Variants in MYO5B observed in about 807,000 individuals in gnomAD.
MYO5B encodes myosin VB, also known as unconventional myosin-Vb.
Under a neutral mutation model 229.3 loss-of-function variants are expected in MYO5B, and 143 were observed. The ratio of observed to expected loss-of-function variants is 0.62; its 90% CI spans 0.54 to 0.72. The LOEUF (loss-of-function observed/expected upper bound fraction) is 0.72. Among genes scored for constraint, MYO5B ranks in the 30% least tolerant of loss-of-function variants. The pLI, the probability that MYO5B is intolerant of heterozygous loss-of-function variation, is 0.00. For synonymous variants in MYO5B, 918 were observed against 885.2 expected (o/e 1.04, Z -0.66); for missense variants, 2,321 against 2,331.0 (o/e 1.00, Z 0.09).
chr18:50,156,637 G>C (rs1009132319), intron 1 of MYO5B, among the ~76,000 whole-genome samples: 5 of 152,174 alleles, frequency 3.3e-5, no homozygotes, highest in African/African-American at 1.2e-4. Context: ...TATTAGCAGT[G>C]TGAGAACAGA....
intron 3 of MYO5B, among the ~76,000 whole-genome samples, chr18:50,037,218 C>G (rs1598970349): frequency 6.9e-6 from 1 of 144,048 alleles, no homozygotes; most frequent in Non-Finnish European, 1.5e-5. Flanking sequence ...CACACACAAA[C>G]ACACACACAC....
At chr18:49,878,789 A>G (rs2144104532) in intron 24 of MYO5B, among the ~76,000 whole-genome samples, 156 bp downstream of exon 24, 1 of 152,364 alleles carries the variant, frequency 6.6e-6, no homozygotes, top group Non-Finnish European at 1.5e-5. Flanking sequence ...CACCCAGTCC[A>G]GCTACCTTTG....
At chr18:50,139,597 G>A (rs1390078066) in intron 1 of MYO5B, among the ~76,000 whole-genome samples, 1 of 152,134 alleles carries the variant, frequency 6.6e-6, no homozygotes, top group African/African-American at 2.4e-5. Context: ...GTGGTTCTGG[G>A]GAGCCCTTTG....
At chr18:50,131,711 A>G (rs529888657) in intron 1 of MYO5B, among the ~76,000 whole-genome samples, 4 of 152,346 alleles carry the variant, frequency 2.6e-5, no homozygotes, top group Admixed American at 1.3e-4. Context: ...TTAGCTGGAT[A>G]CAGTACTGAG....
chr18:50,037,125 A>G (rs1355143225), intron 3 of MYO5B, 131 bp from the exon 4 acceptor site: 3 of 954,606 alleles, frequency 3.1e-6, no homozygotes, highest in Admixed American at 3.9e-5. Flanking sequence ...AGTCTTAACC[A>G]ATCAATCAGC....
chr18:49,859,980 T>C (rs1234057236), intron 29 of MYO5B, among the ~76,000 whole-genome samples: 2 of 152,044 alleles, frequency 1.3e-5, no homozygotes, highest in African/African-American at 2.4e-5. Flanking sequence ...GGTGTGTGTA[T>C]TGGCGGGGGG....
chr18:50,091,106 G>T (rs1568102934), intron 1 of MYO5B, among the ~76,000 whole-genome samples: 1 of 152,192 alleles, frequency 6.6e-6, no homozygotes, highest in Non-Finnish European at 1.5e-5. Context: ...CCTGAAGACA[G>T]GGAAGGGCAA....
At chr18:49,933,539 G>C (rs1293726087) in intron 16 of MYO5B, among the ~76,000 whole-genome samples, 4 of 152,214 alleles carry the variant, frequency 2.6e-5, no homozygotes. Context: ...TGTGGGACAG[G>C]AGTTCTCAAC....
chr18:50,089,931 T>TC (rs2031411896), intron 1 of MYO5B, among the ~76,000 whole-genome samples: 1 of 152,156 alleles, frequency 6.6e-6, no homozygotes, highest in Non-Finnish European at 1.5e-5. Context: ...GCCACCTTTT[T>TC]CGAAGGCTAC....
chr18:50,172,476 A>G (rs2032933709), intron 1 of MYO5B, among the ~76,000 whole-genome samples: 2 of 152,244 alleles, frequency 1.3e-5, no homozygotes, highest in Non-Finnish European at 2.9e-5. Context: ...TTTGTTATAC[A>G]TGGAATTGGC....
At chr18:50,040,484 C>A (rs1008019912) in intron 2 of MYO5B, among the ~76,000 whole-genome samples, 170 bp from the exon 3 acceptor site, 6 of 152,138 alleles carry the variant, frequency 3.9e-5, no homozygotes, top group Non-Finnish European at 5.9e-5. Flanking sequence ...CCATGAGAGA[C>A]CAGTCCAGAT....
chr18:50,121,479 C>T (rs1041721394), intron 1 of MYO5B, among the ~76,000 whole-genome samples: 22 of 152,236 alleles, frequency 1.4e-4, no homozygotes, highest in African/African-American at 4.8e-4. Context: ...TCAAAGGGCT[C>T]TGTGTAGCAG....
chr18:50,079,486 T>A (rs1438379086), intron 1 of MYO5B, among the ~76,000 whole-genome samples: 1 of 152,102 alleles, frequency 6.6e-6, no homozygotes, highest in African/African-American at 2.4e-5. Flanking sequence ...AAAGACAGAG[T>A]GCTCCAAAAT....
chr18:49,991,969 G>A (rs1488078289), intron 6 of MYO5B, among the ~76,000 whole-genome samples: 1 of 152,112 alleles, frequency 6.6e-6, no homozygotes, highest in South Asian at 2.1e-4. Flanking sequence ...CCCCTGATAA[G>A]ACTTTAAAAT....
Position 49,878,955 on chromosome 18 carries a change from G to A in MYO5B, c.3266C>T (p.Thr1089Ile). The A allele has an allele frequency of 6.2e-7, 1 of 1,614,156 alleles. No homozygotes were observed. The highest frequency in any genetic ancestry group is 8.5e-7 in the Non-Finnish European group (1 of 1,180,032). ...AAGCACCCCCCTTGCCTTTATGATG[G>A]TCATTTCATCCCGAAGGTTGTCGTA... ...QRYDNLRDEM[T>I]IIKQTPGHRR... Residue 1089 changes from threonine (T) to isoleucine (I), a missense_variant, in exon 24 of 40, where the codon ACC becomes ATC. Thr to Ile is a moderately conservative substitution (Grantham distance 89). Around this residue, in one of 2 missense-constraint regions of MYO5B, gnomAD observed 2,113 missense variants for 2,044.7 expected, o/e 1.03. Transcript: ENST00000285039.
chr18:49,939,593 G>C (rs1226781761), intron 14 of MYO5B, among the ~76,000 whole-genome samples: 24 of 152,112 alleles, frequency 1.6e-4, no homozygotes. Flanking sequence ...TAGGCGACTG[G>C]GGAGAAGGAA....
chr18:50,094,232 C>G (rs1599016242), intron 1 of MYO5B, among the ~76,000 whole-genome samples: 1 of 152,066 alleles, frequency 6.6e-6, no homozygotes, highest in Admixed American at 6.5e-5. Context: ...CCAAAAAGCA[C>G]AAGTTACAAA....
chr18:49,878,291 T>G (rs2024548959), intron 24 of MYO5B, among the ~76,000 whole-genome samples: 1 of 152,216 alleles, frequency 6.6e-6, no homozygotes, highest in African/African-American at 2.4e-5. Flanking sequence ...TAGTAGCATA[T>G]TAAAAATAGT....
chr18:49,899,429 A>G (rs2024816369), intron 21 of MYO5B, among the ~76,000 whole-genome samples: 1 of 152,194 alleles, frequency 6.6e-6, no homozygotes, highest in African/African-American at 2.4e-5. Context: ...AGCCGGTCCC[A>G]AGCAAGGACA....
Sources: gnomAD v4.1 joint callset for allele counts (sites outside exome capture counted in the v4.1 genomes callset) on GRCh38, gnomAD v4.1.1 for gene constraint, gnomAD v4.1.1 regional missense constraint, MANE v1.5 for transcripts, NCBI Gene and HGNC (gene_info 2026-07-23, HGNC 2026-07-21) for gene names.